Variants in DDC observed in about 807,000 individuals in gnomAD.
DDC encodes dopa decarboxylase.
Under a neutral mutation model 60.0 loss-of-function variants are expected in DDC, and 43 were observed. The observed-to-expected ratio is 0.72, with a 90% confidence interval of 0.56 to 0.92. The LOEUF (loss-of-function observed/expected upper bound fraction) is 0.92. DDC is among the 40% of genes least tolerant of loss of function. DDC has a pLI of 0.00. For synonymous variants in DDC, 232 were observed against 234.6 expected (o/e 0.99, Z 0.10); for missense variants, 573 against 620.2 (o/e 0.92, Z 0.81).
intron 11 of DDC, among the ~76,000 whole-genome samples, chr7:50,472,488 A>T (rs2042555573): frequency 6.6e-6 from 1 of 152,294 alleles, no homozygotes; most frequent in Non-Finnish European, 1.5e-5. Flanking sequence ...AGCCATCAAC[A>T]TCTTCCAGAA....
chr7:50,461,314 T>A (rs114980795), intron 14 of DDC, among the ~76,000 whole-genome samples: 3,228 of 152,288 alleles, frequency 0.021, 123 homozygotes, highest in African/African-American at 0.072. Flanking sequence ...CTCTCAGAGC[T>A]ATGACCACAT....
intron 5 of DDC, among the ~76,000 whole-genome samples, 170 bp downstream of exon 5, chr7:50,529,038 A>G (rs1245802870): frequency 6.6e-6 from 1 of 152,160 alleles, no homozygotes. Context: ...TGATCTATCC[A>G]GTTCCCACCC....
intron 14 of DDC, among the ~76,000 whole-genome samples, chr7:50,462,226 C>CAAAAAAAAAAAAAAAAGAA (rs2042290837): frequency 1.3e-5 from 1 of 75,380 alleles, no homozygotes; most frequent in African/African-American, 5.5e-5. Context: ...GACAAAAAGA[C>CAAAAAAAAAAAAAAAAGAA]AAAAAAAAAA....
chr7:50,512,182 T>C lies in DDC; in HGVS notation c.715-8123A>G, dbSNP rs73336857. Among the ~76,000 whole-genome samples, 1,491 of 152,312 alleles carry C rather than the reference T, an allele frequency of 9.8e-3. 24 individuals are homozygous for C. Among genetic ancestry groups the C allele is most frequent in the African/African-American group, 0.034 (1,424 of 41,570 alleles). On this transcript the variant is annotated intron_variant, in intron 6 of 14. Coordinates refer to ENST00000444124, the MANE Select transcript of DDC (RefSeq NM_001082971.2). ...TAAATGTCAAGATACAGATTAAAGG[T>C]ATAGCGATGTAGAAAAATATACCAT...
chr7:50,461,216 T>C (rs1164824312), intron 14 of DDC, among the ~76,000 whole-genome samples: 1 of 152,228 alleles, frequency 6.6e-6, no homozygotes, highest in Non-Finnish European at 1.5e-5. Context: ...ATTGCCAATC[T>C]GGCTTCTCTG....
intron 11 of DDC, among the ~76,000 whole-genome samples, chr7:50,476,217 A>C (rs1562987477): frequency 1.3e-5 from 2 of 152,184 alleles, no homozygotes; most frequent in Non-Finnish European, 2.9e-5. Context: ...TGCATTTGAG[A>C]CTAGGCTGCT....
At chr7:50,534,928 C>T (rs1032765924) in intron 4 of DDC, among the ~76,000 whole-genome samples, 1 of 152,146 alleles carries the variant, frequency 6.6e-6, no homozygotes, top group Non-Finnish European at 1.5e-5. Context: ...TGTGCAGTAG[C>T]TCCCTCCCCT....
Position 50,463,311 on chromosome 7 carries a change from C to T in DDC, c.1363G>A (p.Val455Met). 6.2e-6 allele frequency: 10 copies of T among 1,614,240 alleles called. No individual in the cohort carries two copies. Among genetic ancestry groups the T allele is most frequent in the Middle Eastern group, 1.6e-4 (1 of 6,062 alleles). Reference sequence around the variant, plus strand: ...GCCCGCTGCACATGGGCAGATTCCACCGTGCGAGAACAGATGGCAAAGCGC... The same window carrying T: ...GCCCGCTGCACATGGGCAGATTCCATCGTGCGAGAACAGATGGCAAAGCGC... ...VLRFAICSRT[V>M]ESAHVQRAWE... The change falls in exon 14 of 15, where the codon GTG (valine) becomes ATG (methionine). Residue 455 changes from valine (V) to methionine (M), a missense_variant. By Grantham distance (21) the Val-to-Met change is conservative. Coordinates refer to ENST00000444124, the MANE Select transcript of DDC (RefSeq NM_001082971.2).
intron 6 of DDC, among the ~76,000 whole-genome samples, chr7:50,512,452 T>G (rs1274944844): frequency 1.3e-5 from 2 of 152,200 alleles, no homozygotes; most frequent in Non-Finnish European, 2.9e-5. Flanking sequence ...GCTTGCAACT[T>G]CAATATAAGG....
At chr7:50,524,882 C>A (rs577698466) in intron 6 of DDC, among the ~76,000 whole-genome samples, 1 of 152,192 alleles carries the variant, frequency 6.6e-6, no homozygotes, top group African/African-American at 2.4e-5. Flanking sequence ...CATTAATGTT[C>A]CTGGATGCAT....
intron 6 of DDC, among the ~76,000 whole-genome samples, chr7:50,522,500 A>T (rs1332452036): frequency 3.9e-5 from 6 of 152,232 alleles, no homozygotes; most frequent in African/African-American, 1.2e-4. Flanking sequence ...CTGACATGAC[A>T]CTACCCAAAT....
At chr7:50,537,129 G>C (rs1178183969) in intron 4 of DDC, among the ~76,000 whole-genome samples, 1 of 148,154 alleles carries the variant, frequency 6.7e-6, no homozygotes, top group Middle Eastern at 3.2e-3. Context: ...CATCATGATT[G>C]TCTTTTGTCT....
At chr7:50,492,767 A>T in intron 9 of DDC, 1 of 1,444,608 alleles carries the variant, frequency 6.9e-7, no homozygotes, top group Non-Finnish European at 9.1e-7. Context: ...CCACTTTGTC[A>T]AATTTCCCCT....
At chr7:50,499,289 A>G in intron 7 of DDC, 47 bp from the exon 8 acceptor site, 1 of 1,378,360 alleles carries the variant, frequency 7.3e-7, no homozygotes, top group Non-Finnish European at 1.0e-6. Context: ...ATGCCTCACC[A>G]CGGAGCCTGC....
At chr7:50,501,569 G>A (rs1447745190) in intron 7 of DDC, among the ~76,000 whole-genome samples, 1 of 152,146 alleles carries the variant, frequency 6.6e-6, no homozygotes, top group Non-Finnish European at 1.5e-5. Context: ...AATGATGGTG[G>A]GTGAATAACT....
intron 1 of DDC, among the ~76,000 whole-genome samples, chr7:50,550,220 A>G (rs1041349180): frequency 1.3e-5 from 2 of 152,270 alleles, no homozygotes; most frequent in Non-Finnish European, 2.9e-5. Flanking sequence ...AGCCATCGAC[A>G]TGGAGGCAAG....
At chr7:50,563,268 T>C (rs1409773071) in intron 1 of DDC, among the ~76,000 whole-genome samples, 2 of 152,014 alleles carry the variant, frequency 1.3e-5, no homozygotes, top group African/African-American at 4.8e-5. Context: ...TCAGAGAACA[T>C]GTTGGTGTGA....
rs200657003 is a variant in DDC at position 50,529,321 on chromosome 7, G to A, written c.457C>T (p.Leu153=). 24 of 1,614,218 alleles carry A rather than the reference G, an allele frequency of 1.5e-5. No homozygotes were observed. In the Admixed American group the frequency reaches 1.8e-4, roughly 12 times the overall value. The change falls in exon 5 of 15, where the codon CTG becomes TTG. Residue 153 remains leucine (L), a synonymous_variant. Transcript: ENST00000444124. ...VIQGSASEAT[L]VALLAARTKV... is the part of the protein sequence containing the mutation. Reference sequence around the variant, plus strand: ...GTCCGAGCGGCCAGCAGGGCCACCAGGGTGGCTTCACTGGCACTTCCCTAA... The same window carrying A: ...GTCCGAGCGGCCAGCAGGGCCACCAAGGTGGCTTCACTGGCACTTCCCTAA...
intron 9 of DDC, among the ~76,000 whole-genome samples, chr7:50,494,279 G>A (rs2043073239): frequency 6.6e-6 from 1 of 152,208 alleles, no homozygotes; most frequent in Non-Finnish European, 1.5e-5. Flanking sequence ...AGGCCGAGGA[G>A]GGTGGATCAT....
Sources: allele counts gnomAD v4.1 joint callset (sites outside exome capture counted in the v4.1 genomes callset), GRCh38; gene constraint gnomAD v4.1.1; transcripts MANE v1.5; gene names NCBI Gene and HGNC (gene_info 2026-07-23, HGNC 2026-07-21).